Variants in EYS observed in about 807,000 individuals in gnomAD.
The protein encoded by EYS is EGF-like photoreceptor maintenance factor, also known as protein eyes shut homolog.
EYS carries 250 observed loss-of-function variants against 282.1 expected under a neutral mutation model. The observed-to-expected ratio is 0.89, with a 90% confidence interval of 0.80 to 0.98. The LOEUF (loss-of-function observed/expected upper bound fraction) is 0.98, where lower values mean the gene tolerates loss of function less well. Among genes scored for constraint, EYS ranks in the 50% least tolerant of loss-of-function variants. The pLI, the probability that EYS is intolerant of heterozygous loss-of-function variation, is 0.00. For missense variants in EYS, 4,016 were observed against 3,709.0 expected (o/e 1.08, Z -2.15); for synonymous variants, 1,355 against 1,282.9 (o/e 1.06, Z -1.20).
intron 2 of EYS, among the ~76,000 whole-genome samples, chr6:65,581,336 T>C (rs1764861800): frequency 6.6e-6 from 1 of 152,164 alleles, no homozygotes; most frequent in Admixed American, 6.6e-5. Flanking sequence ...TGACTTATTG[T>C]ACAGCAAACG....
At chr6:64,547,191 G>A (rs958727861) in intron 26 of EYS, among the ~76,000 whole-genome samples, 1 of 152,156 alleles carries the variant, frequency 6.6e-6, no homozygotes, top group Non-Finnish European at 1.5e-5. Context: ...ATTGCAAAGA[G>A]TGAAAGAACA....
chr6:64,547,093 G>C (rs547886675), intron 26 of EYS, among the ~76,000 whole-genome samples: 2 of 152,118 alleles, frequency 1.3e-5, no homozygotes, highest in African/African-American at 2.4e-5. Flanking sequence ...GGTCTTGCTG[G>C]CTCAGGAGTG....
chr6:65,700,114 CAAAAAAAAAAA>C (rs1178482636), intron 1 of EYS, among the ~76,000 whole-genome samples: 3 of 51,792 alleles, frequency 5.8e-5, no homozygotes, highest in African/African-American at 1.9e-4. Context: ...GACTCCGTCT[CAAAAAAAAAAA>C]AAAAAAAAAA....
chr6:65,621,421 T>C (rs1353929068), intron 2 of EYS, among the ~76,000 whole-genome samples: 5 of 151,142 alleles, frequency 3.3e-5, no homozygotes, highest in Admixed American at 2.0e-4. Context: ...TCTTCCTCCA[T>C]CCTTTTATTT....
At chr6:63,872,472 A>G (rs951761524) in intron 35 of EYS, among the ~76,000 whole-genome samples, 1 of 98,938 alleles carries the variant, frequency 1.0e-5, no homozygotes, top group Admixed American at 1.4e-4. Flanking sequence ...CTATACCTAA[A>G]TATGGTTTTT....
rs531614950 is a variant in EYS, at chr6:64,060,295, T to C, written c.6725+6043A>G. Among the ~76,000 whole-genome samples, 86 of 152,272 alleles carry C rather than the reference T, an allele frequency of 5.6e-4. 2 individuals carry two copies. In the South Asian group the frequency reaches 0.017, roughly 30 times the overall value. The stretch of plus-strand genomic sequence containing the variant: ...ATAATAGAGTATGGATATTCTTTTT[T>C]CTTAAATGAAATTGAATGGTCTCTT... On this transcript the variant is annotated intron_variant, in intron 33 of 42. Transcript: ENST00000503581.
intron 13 of EYS, among the ~76,000 whole-genome samples, chr6:65,026,010 T>C (rs183705242): frequency 2.6e-5 from 4 of 152,326 alleles, no homozygotes; most frequent in Admixed American, 1.3e-4. Flanking sequence ...TAAATTGCCA[T>C]ATGTATTTTT....
rs12526479 is a variant in EYS, at chr6:65,604,518, G to A, written c.-333+35260C>T. Among the ~76,000 whole-genome samples, 194 of 151,944 alleles carry A rather than the reference G, an allele frequency of 1.3e-3. 1 individual carries two copies. In the East Asian group the frequency reaches 0.016, roughly 12 times the overall value. ...ATCCACATGAGTACTAAAATACCAA[G>A]GTGTAGGTTATACATGTTTATATAT... On this transcript the variant is annotated intron_variant, in intron 2 of 42. Coordinates refer to ENST00000503581, the MANE Select transcript of EYS (RefSeq NM_001142800.2).
chr6:64,759,401 A>C (rs886659547), intron 22 of EYS, among the ~76,000 whole-genome samples: 1 of 152,180 alleles, frequency 6.6e-6, no homozygotes, highest in Admixed American at 6.5e-5. Context: ...ATATAGTTTT[A>C]TGTACATAAT....
chr6:65,652,416 A>C (rs1010426874), intron 1 of EYS, among the ~76,000 whole-genome samples: 1 of 151,944 alleles, frequency 6.6e-6, no homozygotes, highest in African/African-American at 2.4e-5. Flanking sequence ...AGGGAGGAGG[A>C]GACAGGAAGA....
chr6:64,015,834 C>A (rs1398387707), intron 33 of EYS, among the ~76,000 whole-genome samples: 1 of 152,154 alleles, frequency 6.6e-6, no homozygotes, highest in African/African-American at 2.4e-5. Flanking sequence ...GGTTTGTGCA[C>A]CAGCTTCAAG....
At chr6:65,629,329 A>T (rs1479364681) in intron 2 of EYS, among the ~76,000 whole-genome samples, 7 of 152,212 alleles carry the variant, frequency 4.6e-5, no homozygotes, top group Non-Finnish European at 2.9e-5. Flanking sequence ...TCACAGGGTT[A>T]ACAAGAATTC....
At chr6:64,762,015 A>T (rs1773176542) in intron 22 of EYS, among the ~76,000 whole-genome samples, 4 of 152,176 alleles carry the variant, frequency 2.6e-5, no homozygotes, top group Admixed American at 2.6e-4. Context: ...TGAATGAATG[A>T]TATATTGTAT....
At position 63,721,753 on chromosome 6, in the gene EYS, G is replaced by T; in HGVS notation, c.8278C>A (p.Arg2760Ser). The T allele has an allele frequency of 6.4e-7, 1 of 1,550,908 alleles. No homozygotes were observed. The highest frequency in any genetic ancestry group is 8.7e-7 in the Non-Finnish European group (1 of 1,146,386). ...ATAGTTCTGTCGCCAAGGTTGTAGC[G>T]AAGTTGAACGGAACTATTTACTAAA... ...ISLVNSSVQL[R>S]YNLGDRTIIL... The change falls in exon 43 of 43, where the codon CGC becomes AGC. Residue 2760 changes from arginine (R) to serine (S), a missense_variant. Physicochemically the swap from Arg to Ser is moderately radical, Grantham distance 110. Transcript: ENST00000503581.
intron 1 of EYS, among the ~76,000 whole-genome samples, chr6:65,655,811 T>C (rs1767802050): frequency 6.6e-6 from 1 of 151,878 alleles, no homozygotes; most frequent in Non-Finnish European, 1.5e-5. Flanking sequence ...ATGTAATCTA[T>C]TCCTGGCGAA....
chr6:64,998,352 G>A (rs193035125), intron 13 of EYS, among the ~76,000 whole-genome samples: 49 of 152,314 alleles, frequency 3.2e-4, no homozygotes, highest in African/African-American at 1.1e-3. Context: ...ACTACTTGCA[G>A]TCAGTCCCTG....
At chr6:65,206,755 C>A (rs1269863715) in intron 12 of EYS, among the ~76,000 whole-genome samples, 1 of 151,720 alleles carries the variant, frequency 6.6e-6, no homozygotes, top group African/African-American at 2.4e-5. Context: ...ACCACATACA[C>A]CAAATTAAAA....
chr6:64,953,011 A>G (rs1268054725), intron 14 of EYS, among the ~76,000 whole-genome samples: 1 of 151,894 alleles, frequency 6.6e-6, no homozygotes, highest in Admixed American at 6.6e-5. Flanking sequence ...TATCATTTCT[A>G]GATATTTAAT....
chr6:64,173,703 G>A (rs1056704347), intron 31 of EYS, among the ~76,000 whole-genome samples: 1 of 152,034 alleles, frequency 6.6e-6, no homozygotes, highest in African/African-American at 2.4e-5. Flanking sequence ...AGCAGGGTTC[G>A]ATTAATCATT....
Sources: allele counts gnomAD v4.1 joint callset (sites outside exome capture counted in the v4.1 genomes callset), GRCh38; gene constraint gnomAD v4.1.1; transcripts MANE v1.5; gene names NCBI Gene and HGNC (gene_info 2026-07-23, HGNC 2026-07-21).